EXOC6: variants seen among roughly 807,000 people sequenced by gnomAD.
The protein encoded by EXOC6 is SEC15-like 1.
In EXOC6, 60 loss-of-function variants were observed where a neutral mutation model predicts 112.5. The ratio of observed to expected loss-of-function variants is 0.53; its 90% CI spans 0.43 to 0.66. EXOC6 has a LOEUF of 0.66. Among genes scored for constraint, EXOC6 ranks in the 30% least tolerant of loss-of-function variants. The pLI, the probability that EXOC6 is intolerant of heterozygous loss-of-function variation, is 0.00. For synonymous variants in EXOC6, 295 were observed against 308.0 expected (o/e 0.96, Z 0.44); for missense variants, 855 against 957.1 (o/e 0.89, Z 1.41).
intron 13 of EXOC6, among the ~76,000 whole-genome samples, chr10:92,943,755 A>G (rs891410209): frequency 6.6e-6 from 1 of 151,926 alleles, no homozygotes; most frequent in Non-Finnish European, 1.5e-5. Context: ...TACTGTTGGC[A>G]ATTTGAAATA....
chr10:92,924,094 G>A (rs1851580394), intron 8 of EXOC6, among the ~76,000 whole-genome samples: 1 of 152,104 alleles, frequency 6.6e-6, no homozygotes, highest in African/African-American at 2.4e-5. Context: ...TAATGACATA[G>A]GTAGGAATAA....
At chr10:93,028,987 T>A (rs1845148540) in intron 20 of EXOC6, among the ~76,000 whole-genome samples, 1 of 152,202 alleles carries the variant, frequency 6.6e-6, no homozygotes, top group Non-Finnish European at 1.5e-5. Flanking sequence ...AGATACCTTT[T>A]GTGAAAGGAA....
At chr10:92,918,175 A>T (rs1032029448) in intron 7 of EXOC6, among the ~76,000 whole-genome samples, 4 of 152,124 alleles carry the variant, frequency 2.6e-5, no homozygotes, top group Non-Finnish European at 5.9e-5. Flanking sequence ...ATCTCCACAG[A>T]ATCTTCTATT....
intron 18 of EXOC6, among the ~76,000 whole-genome samples, chr10:92,989,758 C>T (rs545716365): frequency 2.8e-4 from 42 of 152,132 alleles, no homozygotes; most frequent in Non-Finnish European, 5.3e-4. Flanking sequence ...GTAAAACTGA[C>T]CGGCCATCCA....
At chr10:92,935,722 C>G (rs1852301713) in intron 11 of EXOC6, 92 bp from the exon 12 acceptor site, 2 of 914,880 alleles carry the variant, frequency 2.2e-6, no homozygotes, top group Non-Finnish European at 1.7e-6. Flanking sequence ...TTAAAAGAAA[C>G]ATTATCAATT....
chr10:92,877,738 A>G (rs370930625), intron 1 of EXOC6, among the ~76,000 whole-genome samples: 67 of 152,262 alleles, frequency 4.4e-4, no homozygotes, highest in African/African-American at 1.6e-3. Flanking sequence ...GTTTTCCTCC[A>G]TACTACTTCT....
intron 20 of EXOC6, among the ~76,000 whole-genome samples, chr10:93,037,864 C>T (rs1401670629): frequency 1.1e-4 from 17 of 150,358 alleles, no homozygotes; most frequent in African/African-American, 4.1e-4. Flanking sequence ...ACGGTGAAAC[C>T]CCGTCTCTAC....
At chr10:92,965,877 C>G (rs1842025534) in intron 17 of EXOC6, among the ~76,000 whole-genome samples, 1 of 152,090 alleles carries the variant, frequency 6.6e-6, no homozygotes, top group South Asian at 2.1e-4. Context: ...TAGAAAAGTC[C>G]TTTCAACTGT....
At chr10:93,034,218 A>G (rs1237223160) in intron 20 of EXOC6, among the ~76,000 whole-genome samples, 1 of 152,198 alleles carries the variant, frequency 6.6e-6, no homozygotes, top group Non-Finnish European at 1.5e-5. Context: ...TTGAGTCAGC[A>G]GCTACCATCT....
intron 20 of EXOC6, among the ~76,000 whole-genome samples, chr10:93,025,237 A>G (rs886500784): frequency 6.6e-6 from 1 of 152,216 alleles, no homozygotes; most frequent in Non-Finnish European, 1.5e-5. Context: ...AAATTGTGTG[A>G]TGGTAATTCC....
intron 17 of EXOC6, among the ~76,000 whole-genome samples, chr10:92,965,469 C>T (rs1371713300): frequency 1.3e-5 from 2 of 152,110 alleles, no homozygotes; most frequent in Non-Finnish European, 2.9e-5. Context: ...TGAATCCTTA[C>T]ATTTTATTTA....
In EXOC6 at chr10:92,848,648, C is replaced by G. The variant is rs1382624873; in HGVS notation, c.101+14C>G. The G allele has an allele frequency of 7.3e-6, 10 of 1,364,018 alleles. No individual in the cohort carries two copies. Among genetic ancestry groups the G allele is most frequent in the Non-Finnish European group, 9.6e-6 (10 of 1,036,538 alleles). The allele number at this position is 1,364,018 out of a possible 1,614,324, so 84.5% of individuals were successfully genotyped here. On this transcript the variant is annotated intron_variant, in intron 1 of 21. Coordinates refer to ENST00000260762, the MANE Select transcript of EXOC6 (RefSeq NM_019053.6). ...GCCCACCCTCCGGTAAAGATCTCAT[C>G]CCACCGGGACTTCGGCCCCCCGCCC...
At chr10:92,977,368 A>T (rs1842664600) in intron 18 of EXOC6, among the ~76,000 whole-genome samples, 1 of 152,176 alleles carries the variant, frequency 6.6e-6, no homozygotes, top group South Asian at 2.1e-4. Context: ...TTCCTAAAAA[A>T]AATTAATGGA....
intron 17 of EXOC6, among the ~76,000 whole-genome samples, chr10:92,962,267 A>C (rs181407255): frequency 1.8e-4 from 28 of 152,350 alleles, no homozygotes; most frequent in Middle Eastern, 3.4e-3. Context: ...TAAACAAAGC[A>C]GTAATTCCTT....
chr10:93,000,375 C>A (rs547859575), intron 19 of EXOC6, among the ~76,000 whole-genome samples: 1 of 152,270 alleles, frequency 6.6e-6, no homozygotes, highest in African/African-American at 2.4e-5. Context: ...CACTATCCTG[C>A]CATAGGATAG....
In EXOC6 at chr10:93,057,053, A is replaced by AG. The variant is rs768844451; in HGVS notation, c.2282+17_2282+18insG. The AG allele has an allele frequency of 1.7e-5, 23 of 1,352,454 alleles. No individual in the cohort carries two copies. Among genetic ancestry groups the AG allele is most frequent in the Non-Finnish European group, 1.9e-5 (19 of 988,246 alleles). 83.8% of individuals were successfully genotyped at this position (1,352,454 alleles called of 1,614,324 possible). A position where few individuals can be genotyped will look rare whatever the true frequency, so the allele number is the denominator to read the frequency against. On this transcript the variant is annotated intron_variant, in intron 21 of 21. Transcript: ENST00000260762. ...TTTGGAGAAGTGAGTATATTCTGAA[A>AG]CTTTTTTGTATAACATTTTAGCACC...
intron 1 of EXOC6, among the ~76,000 whole-genome samples, chr10:92,884,018 T>C (rs1318918417): frequency 6.6e-6 from 1 of 152,182 alleles, no homozygotes; most frequent in Admixed American, 6.5e-5. Flanking sequence ...TGCCTCAGCC[T>C]CCCGAATAGC....
In EXOC6 at chr10:92,893,423, A is replaced by G. The variant is rs1849601941; in HGVS notation, c.176A>G (p.Asp59Gly). 3.1e-6 allele frequency: 5 copies of G among 1,613,304 alleles called. No individual in the cohort carries two copies. Among genetic ancestry groups the G allele is most frequent in the Non-Finnish European group, 4.2e-6 (5 of 1,179,504 alleles). ...TTAGATGCTTGTATCCGTAATCATG[A>G]CAAGGAAATTGAAAAGATGTGTAAT... ...EKLDACIRNHDKEIEKMCNFH... is the reference protein window; with the variant it reads ...EKLDACIRNHGKEIEKMCNFH... Residue 59 changes from aspartate (D) to glycine (G), a missense_variant, in exon 2 of 22, where the codon GAC (aspartate) becomes GGC (glycine). Around this residue, in one of 2 missense-constraint regions of EXOC6, gnomAD observed 405 missense variants for 393.6 expected, o/e 1.03. Transcript: ENST00000260762.
At chr10:93,033,686 G>T (rs1052081383) in intron 20 of EXOC6, among the ~76,000 whole-genome samples, 7 of 152,124 alleles carry the variant, frequency 4.6e-5, no homozygotes, top group African/African-American at 9.7e-5. Context: ...AAAACTGTTC[G>T]CAGTAAAAAG....
Sources: allele counts gnomAD v4.1 joint callset (sites outside exome capture counted in the v4.1 genomes callset), GRCh38; gene constraint gnomAD v4.1.1; regional missense constraint gnomAD v4.1.1; transcripts MANE v1.5; gene names NCBI Gene and HGNC (gene_info 2026-07-23, HGNC 2026-07-21).